The following ANK3 variants were observed in gnomAD, a reference collection of about 807,000 sequenced individuals.
ANK3 encodes ankyrin-3.
A neutral mutation model predicts 370.9 loss-of-function variants in ANK3; 57 were observed. That is an observed-to-expected ratio of 0.15 (90% CI 0.12 to 0.19). The LOEUF is 0.19. Among genes scored for constraint, ANK3 ranks in the 10% least tolerant of loss-of-function variants. The pLI is 1.00. For missense variants in ANK3, 4,439 were observed against 5,302.1 expected (o/e 0.84, Z 5.06); for synonymous variants, 1,929 against 1,946.3 (o/e 0.99, Z 0.23).
chr10:60,467,666 A>T (rs2065041137), intron 2 of ANK3, among the ~76,000 whole-genome samples: 1 of 152,186 alleles, frequency 6.6e-6, no homozygotes, highest in Non-Finnish European at 1.5e-5. Context: ...AGCAAAAATT[A>T]TTCAATTATT....
At chr10:60,336,371 T>C (rs2052880199) in intron 1 of ANK3, among the ~76,000 whole-genome samples, 1 of 152,166 alleles carries the variant, frequency 6.6e-6, no homozygotes, top group Non-Finnish European at 1.5e-5. Flanking sequence ...TACCCCTCAA[T>C]TCAGTAAATC....
At chr10:60,269,772 C>T (rs572189825) in intron 5 of ANK3, among the ~76,000 whole-genome samples, 195 of 151,002 alleles carry the variant, frequency 1.3e-3, no homozygotes, top group Admixed American at 2.4e-3. Flanking sequence ...CAATTTAAAA[C>T]TAATGTTTTA....
At chr10:60,038,320 CCAGGAGG>C (rs1180774987) in intron 43 of ANK3, among the ~76,000 whole-genome samples, 2 of 152,142 alleles carry the variant, frequency 1.3e-5, no homozygotes, top group Non-Finnish European at 2.9e-5. Flanking sequence ...TTGCTTGAAC[CCAGGAGG>C]CAGAGGTTGC....
intron 1 of ANK3, among the ~76,000 whole-genome samples, chr10:60,681,936 G>A (rs2133391987): frequency 6.6e-6 from 1 of 152,278 alleles, no homozygotes; most frequent in South Asian, 2.1e-4. Flanking sequence ...AGAATCACCT[G>A]AGGCCAGGAG....
intron 2 of ANK3, among the ~76,000 whole-genome samples, chr10:60,604,821 C>T (rs2078108924): frequency 6.6e-6 from 1 of 152,140 alleles, no homozygotes; most frequent in Non-Finnish European, 1.5e-5. Flanking sequence ...AAGGCTCCAA[C>T]ACTCATAGAT....
At position 60,723,332 on chromosome 10, in the gene ANK3, C is replaced by T. The variant is rs151175822; in HGVS notation, c.57+9931G>A. Among the ~76,000 whole-genome samples, 272 of 152,278 alleles carry T rather than the reference C, an allele frequency of 1.8e-3. 1 individual carries two copies. The highest frequency in any genetic ancestry group is 5.8e-3 in the African/African-American group (241 of 41,548). On this transcript the variant is annotated intron_variant, in intron 1 of 43. Transcript: ENST00000373827. ...TATTTCATTTCATTTGTGGAGAAAA[C>T]CAAAACATAGCATTGAAATTCATTC...
intron 2 of ANK3, among the ~76,000 whole-genome samples, chr10:60,566,348 C>A (rs569968930): frequency 2.0e-4 from 31 of 152,302 alleles, no homozygotes; most frequent in African/African-American, 7.0e-4. Context: ...GGCCACACAT[C>A]TTCCACTTTA....
At chr10:60,205,091 G>T (rs73263135) in intron 11 of ANK3, among the ~76,000 whole-genome samples, 1 of 152,166 alleles carries the variant, frequency 6.6e-6, no homozygotes, top group African/African-American at 2.4e-5. Flanking sequence ...AGTCTGAAAG[G>T]GTAGGTGTCA....
At chr10:60,121,444 C>T (rs2132136243) in intron 25 of ANK3, among the ~76,000 whole-genome samples, 1 of 150,884 alleles carries the variant, frequency 6.6e-6, no homozygotes, top group Middle Eastern at 3.5e-3. Context: ...GTAATCCCAG[C>T]ACTTTGGGAG....
chr10:60,112,201 C>T (rs2092762495), intron 26 of ANK3, among the ~76,000 whole-genome samples: 1 of 152,142 alleles, frequency 6.6e-6, no homozygotes, highest in Non-Finnish European at 1.5e-5. Flanking sequence ...AAATTAAGCC[C>T]TAGTACCTTG....
chr10:60,698,606 C>G (rs951980773), intron 1 of ANK3, among the ~76,000 whole-genome samples: 1 of 149,394 alleles, frequency 6.7e-6, no homozygotes, highest in Non-Finnish European at 1.5e-5. Context: ...TTTGTACGGA[C>G]ATGGATGAAA....
At chr10:60,125,443 A>C (rs1190092617) in intron 25 of ANK3, among the ~76,000 whole-genome samples, 1 of 152,202 alleles carries the variant, frequency 6.6e-6, no homozygotes, top group South Asian at 2.1e-4. Flanking sequence ...TTGCTGACCA[A>C]TTGTTGAGAG....
chr10:60,463,219 G>C (rs1461602214), intron 2 of ANK3, among the ~76,000 whole-genome samples: 1 of 152,098 alleles, frequency 6.6e-6, no homozygotes, highest in African/African-American at 2.4e-5. Flanking sequence ...AGGTTCTATA[G>C]CTAAGAAAGT....
At chr10:60,511,946 A>C (rs1391495208) in intron 2 of ANK3, among the ~76,000 whole-genome samples, 1 of 152,086 alleles carries the variant, frequency 6.6e-6, no homozygotes, top group African/African-American at 2.4e-5. Flanking sequence ...GTCAAGATTG[A>C]AATAGCTATC....
intron 2 of ANK3, among the ~76,000 whole-genome samples, chr10:60,537,069 G>A (rs1261720891): frequency 6.6e-6 from 1 of 151,742 alleles, no homozygotes; most frequent in African/African-American, 2.4e-5. Flanking sequence ...AATTGTACGG[G>A]AAAAAAATGT....
chr10:60,610,052 A>G (rs2078180471), intron 2 of ANK3, among the ~76,000 whole-genome samples: 2 of 152,192 alleles, frequency 1.3e-5, no homozygotes, highest in African/African-American at 4.8e-5. Context: ...TGATAAAGGA[A>G]TAATAGTATT....
At chr10:60,693,078 T>C (rs1163716358) in intron 1 of ANK3, among the ~76,000 whole-genome samples, 4 of 152,314 alleles carry the variant, frequency 2.6e-5, no homozygotes, top group African/African-American at 7.2e-5. Context: ...GGGCGAGGCA[T>C]TGCCTCACTC....
intron 1 of ANK3, among the ~76,000 whole-genome samples, chr10:60,690,649 G>A (rs1269452915): frequency 6.6e-6 from 1 of 151,992 alleles, no homozygotes; most frequent in Non-Finnish European, 1.5e-5. Flanking sequence ...TATGCCTACT[G>A]GACAAATCTA....
chr10:60,417,401 T>G (rs540701654), intron 2 of ANK3, among the ~76,000 whole-genome samples: 25 of 152,138 alleles, frequency 1.6e-4, no homozygotes, highest in South Asian at 6.2e-4. Context: ...AAAACACATA[T>G]AGAGGCTGAT....
Sources: gnomAD v4.1 joint callset for allele counts (sites outside exome capture counted in the v4.1 genomes callset) on GRCh38, gnomAD v4.1.1 for gene constraint, MANE v1.5 for transcripts, NCBI Gene and HGNC (gene_info 2026-07-23, HGNC 2026-07-21) for gene names.